Variants in HPD observed in about 807,000 individuals in gnomAD.
HPD encodes 4-hydroxyphenylpyruvate dioxygenase, also known as 4-hydroxyphenylpyruvic acid oxidase.
Under a neutral mutation model 56.9 loss-of-function variants are expected in HPD, and 35 were observed. The observed-to-expected ratio is 0.62, with a 90% CI of 0.47 to 0.82. The LOEUF is 0.82. HPD is among the 40% of genes least tolerant of loss of function. The pLI, the probability that HPD is intolerant of heterozygous loss-of-function variation, is 0.00. For missense variants in HPD, 442 were observed against 506.8 expected (o/e 0.87, Z 1.23); for synonymous variants, 186 against 200.2 (o/e 0.93, Z 0.60).
the HPD span, among the ~76,000 whole-genome samples, chr12:121,872,563 G>A: frequency 1.3e-5 from 2 of 151,878 alleles, no homozygotes; most frequent in African/African-American, 4.8e-5. Flanking sequence ...ATCCACTCCT[G>A]TTCTCATAAC....
chr12:121,876,269 C>T, the HPD span, among the ~76,000 whole-genome samples: 1 of 152,068 alleles, frequency 6.6e-6, no homozygotes, highest in Non-Finnish European at 1.5e-5. Flanking sequence ...CAAGATTGTG[C>T]CACTGCACTT....
intron 4 of HPD, 38 bp from the exon 5 acceptor site, chr12:121,856,663 A>G (rs1210856688): frequency 4.4e-6 from 7 of 1,604,618 alleles, no homozygotes; most frequent in East Asian, 2.2e-5. Flanking sequence ...CTAGTGGCTC[A>G]GGGGGGCATG....
intron 12 of HPD, among the ~76,000 whole-genome samples, chr12:121,840,628 C>T (rs1267484272): frequency 6.6e-6 from 1 of 152,110 alleles, no homozygotes; most frequent in East Asian, 1.9e-4. Flanking sequence ...CGGATCATGT[C>T]ATTCCCCTGT....
chr12:121,853,315 T>C (rs1877871387), intron 7 of HPD, among the ~76,000 whole-genome samples: 1 of 152,066 alleles, frequency 6.6e-6, no homozygotes, highest in Admixed American at 6.6e-5. Context: ...ATCCAGCACA[T>C]ATACCCCAGA....
At chr12:121,883,224 GTGTGTGTGT>G in the HPD span, among the ~76,000 whole-genome samples, 1 of 145,432 alleles carries the variant, frequency 6.9e-6, no homozygotes, top group African/African-American at 2.6e-5. Context: ...GTGTGTGTGT[GTGTGTGTGT>G]GTGGTGGGGT....
At chr12:121,855,956 G>A (rs1286252509) in intron 6 of HPD, among the ~76,000 whole-genome samples, 10 of 53,080 alleles carry the variant, frequency 1.9e-4, no homozygotes, top group Non-Finnish European at 2.7e-4. Flanking sequence ...GGCAACAAGA[G>A]CAAAACTCCG....
At chr12:121,849,396 T>A (rs75683847) in intron 8 of HPD, among the ~76,000 whole-genome samples, 7,694 of 151,922 alleles carry the variant, frequency 0.051, 637 homozygotes, top group African/African-American at 0.17. Flanking sequence ...ACTATTACAG[T>A]CCCCATTTTA....
At chr12:121,882,359 C>A in the HPD span, among the ~76,000 whole-genome samples, 2 of 152,164 alleles carry the variant, frequency 1.3e-5, no homozygotes, top group African/African-American at 4.8e-5. Context: ...TCTTGGCCTA[C>A]CTCTCGTTCT....
rs1877333467 is a variant in HPD at position 121,839,559 on chromosome 12, G to A, written c.*169C>T. On this transcript the variant is annotated 3_prime_UTR_variant, in exon 14 of 14. Transcript: ENST00000289004. ...GGGGCACGCTTTAATCGGGAGGGCTGGAGCAGAGGGCGGCCCCGCCGAGGG... is the reference window on the plus strand; with the variant it reads ...GGGGCACGCTTTAATCGGGAGGGCTAGAGCAGAGGGCGGCCCCGCCGAGGG... 2 of 645,884 alleles carry A rather than the reference G, an allele frequency of 3.1e-6. No homozygotes were observed. The highest frequency in any genetic ancestry group is 1.7e-5 in the South Asian group (1 of 57,742). 40.0% of individuals were successfully genotyped at this position (645,884 alleles called of 1,614,324 possible).
At chr12:121,845,481 G>A (rs568577678) in intron 11 of HPD, among the ~76,000 whole-genome samples, 6 of 148,760 alleles carry the variant, frequency 4.0e-5, no homozygotes, top group South Asian at 4.3e-4. Context: ...GGTGCCTGTA[G>A]TCCCAGCTAC....
the HPD span, among the ~76,000 whole-genome samples, chr12:121,877,136 CTACAGGGATAGAAGTGAGTGACTACA>C: frequency 6.6e-6 from 1 of 151,410 alleles, no homozygotes; most frequent in Non-Finnish European, 1.5e-5. Flanking sequence ...TCTCTGTTAC[CTACAGGGATAGAAGTGAGTGACTACA>C]TGTCCAGTGC....
At position 121,854,818 on chromosome 12, in the gene HPD, T is replaced by C. The variant is rs768685269; in HGVS notation, c.325-26A>G. ...CTGCAGAGAAGATGGGATCGGGGAA[T>C]TGGTGAGGGCTGGAGCCTTCCAGAA... On this transcript the variant is annotated intron_variant, in intron 6 of 13. Transcript: ENST00000289004. 4 of 1,574,538 alleles carry C rather than the reference T, an allele frequency of 2.5e-6. No homozygotes were observed. The South Asian group carries it at 4.4e-5, about 17-fold the overall frequency.
chr12:121,873,692 C>T, the HPD span, among the ~76,000 whole-genome samples: 2 of 152,104 alleles, frequency 1.3e-5, no homozygotes, highest in Non-Finnish European at 2.9e-5. Context: ...TGCTGGCGGG[C>T]GCCTGTGGTC....
chr12:121,857,889 G>A, intron 2 of HPD, 70 bp from the exon 3 acceptor site: 1 of 1,176,286 alleles, frequency 8.5e-7, no homozygotes, highest in Non-Finnish European at 1.3e-6. Context: ...GTGGAGTGAT[G>A]TCCCCTAGCC....
At chr12:121,873,593 C>T in the HPD span, among the ~76,000 whole-genome samples, 2 of 150,660 alleles carry the variant, frequency 1.3e-5, no homozygotes, top group East Asian at 3.9e-4. Flanking sequence ...CTGAGGCGGG[C>T]GGATCACAAG....
chr12:121,856,049 C>T (rs1291329931), intron 6 of HPD, among the ~76,000 whole-genome samples: 1 of 151,498 alleles, frequency 6.6e-6, no homozygotes, highest in Non-Finnish European at 1.5e-5. Context: ...TTAGCCCCAT[C>T]TGGCAGCTGT....
At chr12:121,885,189 C>T in the HPD span, among the ~76,000 whole-genome samples, 3 of 150,884 alleles carry the variant, frequency 2.0e-5, no homozygotes, top group African/African-American at 7.4e-5. Context: ...CCATGCCCGG[C>T]CTTACATATA....
rs765421227 is a variant in HPD, at chr12:121,839,734, G to A, written c.1176C>T (p.Gly392=). The A allele has an allele frequency of 3.2e-5, 51 of 1,610,502 alleles. No individual in the cohort carries two copies. Among genetic ancestry groups the A allele is most frequent in the Middle Eastern group, 1.7e-4 (1 of 6,034 alleles). ...TNMETNGVVP[G]M ...TCCGTGGGGTGGGCGGGGCTTACAT[G>A]CCGGGCACCACCCCATTGGTCTCCA... Residue 392 remains glycine, a synonymous_variant, in exon 14 of 14, where the codon GGC becomes GGT. Coordinates refer to ENST00000289004, the MANE Select transcript of HPD (RefSeq NM_002150.3).
intron 2 of HPD, 121 bp downstream of exon 2, chr12:121,858,566 T>A: frequency 1.0e-6 from 1 of 995,548 alleles, no homozygotes; most frequent in Non-Finnish European, 1.6e-6. Context: ...TGTGCAGGCA[T>A]GCACGTCATG....
Sources: gnomAD v4.1 joint callset for allele counts (sites outside exome capture counted in the v4.1 genomes callset) on GRCh38, gnomAD v4.1.1 for gene constraint, MANE v1.5 for transcripts, NCBI Gene and HGNC (gene_info 2026-07-23, HGNC 2026-07-21) for gene names.